Variants in MALL observed in about 807,000 individuals in gnomAD.
MALL encodes the protein MAL-like protein.
In MALL, 2 loss-of-function variants were observed where a neutral mutation model predicts 10.3. That is an observed-to-expected ratio of 0.19 (90% CI 0.08 to 0.61). MALL has a LOEUF of 0.61. Among genes scored for constraint, MALL ranks in the 20% least tolerant of loss-of-function variants. The probability of loss-of-function intolerance (pLI) is 0.88; values close to 1 mark genes in which losing one functional copy is unlikely to be tolerated. For synonymous variants in MALL, 27 were observed against 51.8 expected, an observed-to-expected ratio of 0.52 and a Z score of 2.05; for missense variants, 39 against 115.2, an observed-to-expected ratio of 0.34 and a Z score of 3.03.
At chr2:110,113,985 C>G (rs1270250239) in intron 1 of MALL, among the ~76,000 whole-genome samples, 1 of 152,024 alleles carries the variant, frequency 6.6e-6, no homozygotes, top group Admixed American at 6.6e-5. Context: ...CCTCACCCCC[C>G]ACAACACGTA....
chr2:110,097,092 AAAC>A (rs1553477282), intron 1 of MALL, among the ~76,000 whole-genome samples: 4 of 72,592 alleles, frequency 5.5e-5, no homozygotes, highest in Non-Finnish European at 9.9e-5. Context: ...AAACAAAACA[AAAC>A]AAAAAAAAAA....
rs753459344 is a variant in MALL, at chr2:110,115,775, C to G, written c.18G>C (p.Pro6=). 7.9e-7 allele frequency: 1 copy of G among 1,273,534 alleles called. No homozygotes were observed. Among genetic ancestry groups the G allele is most frequent in the Admixed American group, 3.7e-5 (1 of 26,874 alleles). The allele number at this position is 1,273,534 out of a possible 1,614,324, so 78.9% of individuals were successfully genotyped here. A position where few individuals can be genotyped will look rare whatever the true frequency, so the allele number is the denominator to read the frequency against. The change falls in exon 1 of 4, where the codon CCG becomes CCC. Residue 6 remains proline (P), a synonymous_variant. Transcript: ENST00000272462. The part of the protein sequence containing the change: MASPD[P]PATSYAPSDV... The stretch of plus-strand genomic sequence containing the variant: ...CGGACGGGGCGTAGCTGGTGGCGGG[C>G]GGGTCGGGCGAGGCCATGCTGTCAG...
intron 1 of MALL, among the ~76,000 whole-genome samples, chr2:110,095,107 A>T (rs999746401): frequency 6.6e-6 from 1 of 150,860 alleles, no homozygotes; most frequent in African/African-American, 2.4e-5. Context: ...GTGGATTGAA[A>T]CCCAGTAGAG....
chr2:110,100,739 C>G (rs1191514149), intron 1 of MALL, among the ~76,000 whole-genome samples: 2 of 152,162 alleles, frequency 1.3e-5, no homozygotes. Context: ...AGGCCACAGC[C>G]CAGCACAGGC....
In MALL at chr2:110,109,408, T is replaced by G. The variant is rs1678755954; in HGVS notation, c.105+6280A>C. Among the ~76,000 whole-genome samples, 3 of 152,136 alleles carry G rather than the reference T, an allele frequency of 2.0e-5. No homozygotes were observed. The South Asian group carries it at 6.2e-4, about 32-fold the overall frequency. On this transcript the variant is annotated intron_variant, in intron 1 of 3. Coordinates refer to ENST00000272462, the MANE Select transcript of MALL (RefSeq NM_005434.5). ...AAGCAAGCAGGGGTAGCTATTCTTA[T>G]ATCAGATAAAACAAACTTTAAAGCA...
At chr2:110,111,197 T>G (rs1574037444) in intron 1 of MALL, among the ~76,000 whole-genome samples, 1 of 152,034 alleles carries the variant, frequency 6.6e-6, no homozygotes, top group South Asian at 2.1e-4. Context: ...CTCTTCACCA[T>G]AGTACTGGAA....
upstream of MALL, among the ~76,000 whole-genome samples, chr2:110,117,684 A>AT (rs1559035449): frequency 4.0e-5 from 6 of 150,368 alleles, no homozygotes; most frequent in Admixed American, 4.0e-4. Flanking sequence ...TATTCCCCCC[A>AT]TGCTTTTAGG....
intron 1 of MALL, among the ~76,000 whole-genome samples, chr2:110,112,081 C>A (rs1000811708): frequency 5.9e-5 from 9 of 152,160 alleles, no homozygotes; most frequent in Non-Finnish European, 1.2e-4. Context: ...CAAAAACCAA[C>A]TCAAGATGGA....
At chr2:110,101,173 T>C (rs1426687095) in intron 1 of MALL, among the ~76,000 whole-genome samples, 3 of 152,090 alleles carry the variant, frequency 2.0e-5, no homozygotes, top group Middle Eastern at 3.2e-3. Context: ...CTTATCTCCT[T>C]TGTGCTTCGA....
At chr2:110,109,360 T>C (rs1197397426) in intron 1 of MALL, among the ~76,000 whole-genome samples, 2 of 152,094 alleles carry the variant, frequency 1.3e-5, no homozygotes, top group Non-Finnish European at 2.9e-5. Context: ...TGGAAAAAGG[T>C]ACTTCATGCA....
chr2:110,110,423 C>T (rs987334764), intron 1 of MALL, among the ~76,000 whole-genome samples: 3 of 152,034 alleles, frequency 2.0e-5, no homozygotes, highest in Non-Finnish European at 2.9e-5. Context: ...AAAGATCATT[C>T]AAGGCTGCTA....
At chr2:110,115,916 C>T, upstream of MALL, 1 of 414,622 alleles carries the variant, frequency 2.4e-6, no homozygotes, top group Non-Finnish European at 4.1e-6. Flanking sequence ...AACGTTCCAG[C>T]CGAGCAGGTC....
upstream of MALL, among the ~76,000 whole-genome samples, chr2:110,118,076 T>C (rs902238860): frequency 2.0e-5 from 3 of 152,060 alleles, no homozygotes; most frequent in East Asian, 5.8e-4. Context: ...GCTCCTTTTT[T>C]TTTTTTTCTA....
chr2:110,112,391 AAAAC>A (rs1448529809), intron 1 of MALL, among the ~76,000 whole-genome samples: 1 of 152,186 alleles, frequency 6.6e-6, no homozygotes, highest in African/African-American at 2.4e-5. Context: ...CAGTAAGAAA[AAAAC>A]AAACAATCCC....
chr2:110,103,648 G>A (rs995584034), intron 1 of MALL, among the ~76,000 whole-genome samples: 10 of 152,280 alleles, frequency 6.6e-5, no homozygotes, highest in South Asian at 6.2e-4. Context: ...CAGACTGCCC[G>A]GGGCCTCTCT....
upstream of MALL, chr2:110,116,201 A>C (rs561549294): frequency 1.2e-5 from 2 of 172,044 alleles, no homozygotes; most frequent in East Asian, 1.5e-4. Flanking sequence ...CTATCTGCAG[A>C]CAGCCCGGGT....
chr2:110,115,541 C>A (rs372494325), intron 1 of MALL, 147 bp downstream of exon 1: 53 of 402,722 alleles, frequency 1.3e-4, no homozygotes, highest in Admixed American at 1.9e-4. Context: ...GGTCTCCCCC[C>A]CCCTCTCTGC....
chr2:110,107,252 A>G (rs1427071926), intron 1 of MALL, among the ~76,000 whole-genome samples: 1 of 152,148 alleles, frequency 6.6e-6, no homozygotes, highest in Non-Finnish European at 1.5e-5. Flanking sequence ...GTTAGGAAAG[A>G]TGCAGCCACC....
chr2:110,096,185 C>T lies in MALL; in HGVS notation c.106-4415G>A, dbSNP rs377617045. Among the ~76,000 whole-genome samples, 6 of 152,176 alleles carry T rather than the reference C, an allele frequency of 3.9e-5. No homozygotes were observed. The East Asian group carries it at 1.2e-3, about 29-fold the overall frequency. ...AAGCCCCAGGGTCTGGGGTCCTGCC[C>T]CAGAGAGTCTGCTTGAACAGGTAAG... On this transcript the variant is annotated intron_variant, in intron 1 of 3. Transcript: ENST00000272462.
Sources: gnomAD v4.1 joint callset for allele counts (sites outside exome capture counted in the v4.1 genomes callset) on GRCh38, gnomAD v4.1.1 for gene constraint, MANE v1.5 for transcripts, NCBI Gene and HGNC (gene_info 2026-07-23, HGNC 2026-07-21) for gene names.